Variants in PARVB observed in about 807,000 individuals in gnomAD.
The protein encoded by PARVB is parvin beta.
PARVB carries 46 observed loss-of-function variants against 47.0 expected under a neutral mutation model. The observed-to-expected ratio is 0.98, with a 90% CI of 0.77 to 1.25. PARVB has a LOEUF of 1.25. Among genes scored for constraint, PARVB ranks in the 50% most tolerant of loss-of-function variants. The pLI is 0.00. For synonymous variants in PARVB, 196 were observed against 196.3 expected (o/e 1.00, Z 0.01); for missense variants, 473 against 471.6 (o/e 1.00, Z -0.03).
chr22:43,999,390 T>G lies in PARVB; in HGVS notation c.50T>G (p.Leu17Arg), dbSNP rs777728287. 5.7e-5 allele frequency: 92 copies of G among 1,610,730 alleles called. 1 individual carries two copies. The South Asian group carries it at 9.1e-4, about 16-fold the overall frequency. ...CAAAGAGGAGAGAAAAGGGGATTCC[T>G]TAGTCCAGAGAACAAAAACTGGTGA... Residue 17 changes from leucine to arginine, a missense_variant, in exon 1 of 14, where the codon CTT becomes CGT. Physicochemically the swap from Leu to Arg is moderately radical, Grantham distance 102 (BLOSUM62 -2). Transcript: ENST00000406477.
At chr22:44,023,167 G>A (rs1169419291), upstream of PARVB, among the ~76,000 whole-genome samples, 1 of 152,204 alleles carries the variant, frequency 6.6e-6, no homozygotes, top group Non-Finnish European at 1.5e-5. Flanking sequence ...CACCTGCTGA[G>A]CAGCCATCAG....
chr22:44,021,443 A>T (rs1199051072), upstream of PARVB, among the ~76,000 whole-genome samples: 1 of 152,170 alleles, frequency 6.6e-6, no homozygotes, highest in African/African-American at 2.4e-5. Context: ...AAGAGAGAGA[A>T]ACTACACCTG....
upstream of PARVB, among the ~76,000 whole-genome samples, chr22:44,023,981 C>T (rs1942315386): frequency 6.6e-6 from 1 of 152,256 alleles, no homozygotes; most frequent in African/African-American, 2.4e-5. Context: ...CTCCGGCTTT[C>T]AGGACGTCCT....
chr22:44,132,750 C>T, intron 5 of PARVB, 144 bp from the exon 6 acceptor site: 2 of 574,378 alleles, frequency 3.5e-6, no homozygotes, highest in South Asian at 4.4e-5. Flanking sequence ...TGCTCATCAG[C>T]TCTCTTGATT....
intron 12 of PARVB, among the ~76,000 whole-genome samples, chr22:44,166,025 G>C (rs530895953): frequency 6.2e-4 from 95 of 152,230 alleles, no homozygotes; most frequent in Admixed American, 1.7e-3. Flanking sequence ...AGCATGGGGT[G>C]CTTCCCCCGT....
At position 44,083,218 on chromosome 22, in the gene PARVB, C is replaced by A. The variant is rs79503688; in HGVS notation, c.113-10710C>A. 5.3e-5 allele frequency among the ~76,000 whole-genome samples: 8 copies of A among 152,306 alleles called. 1 individual carries two copies. Among genetic ancestry groups the A allele is most frequent in the Admixed American group, 3.9e-4 (6 of 15,306 alleles). On this transcript the variant is annotated intron_variant, in intron 1 of 12. Transcript: ENST00000338758. ...TGGAGGTGGGATGCTGTGTGAGAGC[C>A]GTCAGTTCAGTTCCCTGACTTTCTC...
At chr22:44,084,706 C>G (rs1364901037) in intron 1 of PARVB, among the ~76,000 whole-genome samples, 1 of 152,216 alleles carries the variant, frequency 6.6e-6, no homozygotes, top group Non-Finnish European at 1.5e-5. Context: ...CCCTCCCCAG[C>G]TTCCTCCCTC....
rs149540525 is a variant in PARVB, at chr22:44,134,617, G to A, written c.633+1608G>A. On this transcript the variant is annotated intron_variant, in intron 6 of 12. Transcript: ENST00000338758. The stretch of plus-strand genomic sequence containing the variant: ...ACGGGAGCAGGGGGTCCTGTGAACC[G>A]GGCGCAGTTACTCCCCAGACCTTAG... Among the ~76,000 whole-genome samples the A allele has an allele frequency of 1.5e-3, 231 of 152,272 alleles. 2 individuals are homozygous for A. In the East Asian group the frequency reaches 0.025, roughly 17 times the overall value.
Position 44,163,852 on chromosome 22 carries a change from TG to T in PARVB, c.946-4del, listed in dbSNP as rs1385366070. 1.2e-6 allele frequency: 2 copies of T among 1,604,628 alleles called. No individual in the cohort carries two copies. The highest frequency in any genetic ancestry group is 2.3e-5 in the East Asian group (1 of 44,358). On this transcript the variant is annotated splice_region_variant and splice_polypyrimidine_tract_variant and intron_variant, in intron 11 of 12. Coordinates refer to ENST00000338758, the MANE Select transcript of PARVB (RefSeq NM_013327.5). ...CTAACGCTGACCCACCCCCCTTCCTTGGCAGGTCCACAATGTGTCCTTCGCC... is the reference window on the plus strand; with the variant it reads ...CTAACGCTGACCCACCCCCCTTCCTTGCAGGTCCACAATGTGTCCTTCGCC...
At chr22:44,085,948 T>G (rs118002191) in intron 1 of PARVB, among the ~76,000 whole-genome samples, 2 of 152,360 alleles carry the variant, frequency 1.3e-5, no homozygotes, top group Non-Finnish European at 2.9e-5. Context: ...TGGATTTACC[T>G]TATTGAAATG....
chr22:44,124,523 C>T (rs2053143902), intron 4 of PARVB, among the ~76,000 whole-genome samples: 1 of 151,690 alleles, frequency 6.6e-6, no homozygotes, highest in African/African-American at 2.4e-5. Flanking sequence ...CACAGATATG[C>T]CCCATCCTGG....
At chr22:44,144,526 C>T (rs575982257) in intron 8 of PARVB, 1 of 152,302 alleles carries the variant, frequency 6.6e-6, no homozygotes, top group East Asian at 1.9e-4. Flanking sequence ...CGCCGGGTAC[C>T]GTGGCTCACA....
At position 44,100,106 on chromosome 22, in the gene PARVB, T is replaced by G; in HGVS notation, c.256T>G (p.Phe86Val). 6.2e-7 allele frequency: 1 copy of G among 1,613,768 alleles called. No homozygotes were observed. Among genetic ancestry groups the G allele is most frequent in the Non-Finnish European group, 8.5e-7 (1 of 1,179,700 alleles). Residue 86 changes from phenylalanine to valine, a missense_variant, in exon 3 of 13, where the codon TTC becomes GTC. By Grantham distance (50) the Phe-to-Val change is conservative (BLOSUM62 -1). Transcript: ENST00000338758. ...IDPTSKEDPK[F>V]KELVKVLLDW... ...CCCCACTTCCAAGGAAGACCCCAAG[T>G]TCAAGGAACTGGTCAAGGTAAGGAG...
chr22:44,093,807 G>A (rs1238736038), intron 1 of PARVB, 121 bp from the exon 2 acceptor site: 2 of 658,160 alleles, frequency 3.0e-6, no homozygotes, highest in Non-Finnish European at 5.4e-6. Context: ...AGACCTTTTA[G>A]GAATGTTTGT....
intron 1 of PARVB, among the ~76,000 whole-genome samples, chr22:44,044,413 A>C (rs1262974238): frequency 6.6e-6 from 1 of 152,042 alleles, no homozygotes; most frequent in African/African-American, 2.4e-5. Flanking sequence ...GATGGTCTCG[A>C]TCTCCTGACC....
intron 1 of PARVB, 137 bp from the exon 2 acceptor site, chr22:44,093,791 G>A (rs1469976248): frequency 1.6e-6 from 1 of 606,568 alleles, no homozygotes; most frequent in African/African-American, 1.9e-5. Context: ...ACTCTTTCTG[G>A]GCAACAGACC....
At position 44,151,475 on chromosome 22, in the gene PARVB, CT is replaced by C. The variant is rs2053807214; in HGVS notation, c.775-6del. ...TCATGGCTCCTGTGTCTCTTTTATT[CT>C]TGGCAGTCTCTCATCACTTTTGTGA... On this transcript the variant is annotated splice_region_variant and splice_polypyrimidine_tract_variant and intron_variant, in intron 9 of 12. Transcript: ENST00000338758. The C allele has an allele frequency of 6.2e-7, 1 of 1,611,948 alleles. No homozygotes were observed. The highest frequency in any genetic ancestry group is 1.7e-5 in the Admixed American group (1 of 60,000).
At chr22:44,102,124 C>A (rs372722799) in intron 3 of PARVB, among the ~76,000 whole-genome samples, 1 of 152,182 alleles carries the variant, frequency 6.6e-6, no homozygotes, top group East Asian at 1.9e-4. Context: ...TGCCAGCCTG[C>A]GTCTGCAGCC....
At chr22:44,037,629 G>T (rs1442580249) in intron 1 of PARVB, among the ~76,000 whole-genome samples, 1 of 152,138 alleles carries the variant, frequency 6.6e-6, no homozygotes, top group Admixed American at 6.5e-5. Context: ...AGAGGATCGA[G>T]GTCATCCTGC....
Sources: allele counts gnomAD v4.1 joint callset (sites outside exome capture counted in the v4.1 genomes callset), GRCh38; gene constraint gnomAD v4.1.1; transcripts MANE v1.5; gene names NCBI Gene and HGNC (gene_info 2026-07-23, HGNC 2026-07-21).